CIITA: variants seen among roughly 807,000 people sequenced by gnomAD.
CIITA encodes the protein MHC class II transactivator.
A neutral mutation model predicts 115.1 loss-of-function variants in CIITA; 72 were observed. The ratio of observed to expected loss-of-function variants is 0.63; its 90% CI spans 0.52 to 0.76. CIITA has a LOEUF of 0.76. Among genes scored for constraint, CIITA ranks in the 30% least tolerant of loss-of-function variants. The pLI is 0.00. For missense variants in CIITA, 1,617 were observed against 1,463.8 expected (o/e 1.10, Z -1.71); for synonymous variants, 763 against 635.6 (o/e 1.20, Z -3.02).
At position 10,942,082 on chromosome 16, in the gene CIITA, C is replaced by T. The variant is rs909803534; in HGVS notation, n.1208C>T. 4.9e-6 allele frequency: 6 copies of T among 1,222,262 alleles called. No homozygotes were observed. The highest frequency in any genetic ancestry group is 6.3e-6 in the Non-Finnish European group (6 of 946,664). The allele number at this position is 1,222,262 out of a possible 1,614,324, so 75.7% of individuals were successfully genotyped here. A position where few individuals can be genotyped will look rare whatever the true frequency, so the allele number is the denominator to read the frequency against. On this transcript the variant is annotated non_coding_transcript_exon_variant, in exon 2 of 2. Transcript: ENST00000573379. This position sits in a 1 kb window ranked among gnomAD's most constrained non-coding sequence, Gnocchi z 5.0. ...GCGGCGCCCGGGCGGCCGGCGAGGG[C>T]ACAGCGCAGCCATCCAGGGGTACCC... is the stretch of plus-strand genomic sequence containing the variant.
At chr16:10,868,079 A>C (rs2035219175) in intron 1 of CIITA, among the ~76,000 whole-genome samples, 1 of 152,172 alleles carries the variant, frequency 6.6e-6, no homozygotes, top group African/African-American at 2.4e-5. Flanking sequence ...AACTTTCTAA[A>C]GACGGTGTTT....
chr16:10,933,567 C>G lies in CIITA; in HGVS notation c.*9712C>G, dbSNP rs754399767. On this transcript the variant is annotated 3_prime_UTR_variant, in exon 20 of 20. Transcript: ENST00000324288. Reference sequence around the variant, plus strand: ...ATCTGGAAAAGGGGACAGTGCCCACCACATTGGGCTGTTTGTGTCCATGGA... The same window carrying G: ...ATCTGGAAAAGGGGACAGTGCCCACGACATTGGGCTGTTTGTGTCCATGGA... 6.6e-6 allele frequency: 1 copy of G among 152,324 alleles called. No homozygotes were observed. Among genetic ancestry groups the G allele is most frequent in the Non-Finnish European group, 1.5e-5 (1 of 68,136 alleles). 9.4% of individuals were successfully genotyped at this position (152,324 alleles called of 1,614,324 possible). A position where few individuals can be genotyped will look rare whatever the true frequency, so the allele number is the denominator to read the frequency against.
rs1419064251 is a variant in CIITA, at chr16:10,907,765, T to C, written c.2273T>C (p.Leu758Pro). 1.2e-6 allele frequency: 2 copies of C among 1,614,088 alleles called. No individual in the cohort carries two copies. Among genetic ancestry groups the C allele is most frequent in the Non-Finnish European group, 8.5e-7 (1 of 1,180,036 alleles). The part of the protein sequence containing the change: ...DNWLEGVPRF[L>P]AGLIFQPPAR... Reference sequence around the variant, plus strand: ...TGGCTGGAGGGCGTGCCACGCTTTCTGGCTGGGCTGATCTTCCAGCCTCCC... The same window carrying C: ...TGGCTGGAGGGCGTGCCACGCTTTCCGGCTGGGCTGATCTTCCAGCCTCCC... Residue 758 changes from leucine to proline, a missense_variant, in exon 11 of 20, where the codon CTG (leucine) becomes CCG (proline). Leu to Pro is a moderately conservative substitution (Grantham distance 98). Coordinates refer to ENST00000324288, the MANE Select transcript of CIITA (RefSeq NM_000246.4). The surrounding 1 kb of genome is among the most constrained non-coding windows in gnomAD (Gnocchi z 5.0).
At position 10,910,195 on chromosome 16, in the gene CIITA, A is replaced by G. The variant is rs757223957; in HGVS notation, c.2824A>G (p.Ser942Gly). The G allele has an allele frequency of 1.6e-5, 26 of 1,613,908 alleles. No homozygotes were observed. The highest frequency in any genetic ancestry group is 2.0e-5 in the Non-Finnish European group (24 of 1,179,932). ...ATTGCCTGTTCTCTCCAGGACGAGA[A>G]GTTCCTCGGAAGACACAGCTGGGGA... ...GKLVQTQRTRSSSEDTAGELP... is the reference protein window; with the variant it reads ...GKLVQTQRTRGSSEDTAGELP... Residue 942 changes from serine (S) to glycine (G), a missense_variant, in exon 13 of 20, where the codon AGT becomes GGT. Coordinates refer to ENST00000324288, the MANE Select transcript of CIITA (RefSeq NM_000246.4).
In CIITA at chr16:10,934,641, G is replaced by A. The variant is rs1047918825; in HGVS notation, c.*10786G>A. The A allele has an allele frequency of 3.3e-5, 5 of 152,226 alleles. No homozygotes were observed. Among genetic ancestry groups the A allele is most frequent in the African/African-American group, 1.2e-4 (5 of 41,450 alleles). 9.4% of individuals were successfully genotyped at this position (152,226 alleles called of 1,614,324 possible). On this transcript the variant is annotated 3_prime_UTR_variant, in exon 20 of 20. Transcript: ENST00000324288. The surrounding 1 kb of genome is among the most constrained non-coding windows in gnomAD (Gnocchi z 4.2). ...TCTGCAAGCCTCAGTTTCCTCCCTG[G>A]TCTAATGGAACCCTCCTTGGCGGCT...
At position 10,898,752 on chromosome 16, in the gene CIITA, G is replaced by T. The variant is rs1177772086; in HGVS notation, c.358+20G>T. On this transcript the variant is annotated intron_variant, in intron 4 of 19. Coordinates refer to ENST00000324288, the MANE Select transcript of CIITA (RefSeq NM_000246.4). ...TTTTCAGTAAGTTTGTGGTGGGTGG[G>T]GAGGTCTTGGCTCAGCCTGCATTTC... The T allele has an allele frequency of 6.2e-7, 1 of 1,611,256 alleles. No individual in the cohort carries two copies. Among genetic ancestry groups the T allele is most frequent in the Non-Finnish European group, 8.5e-7 (1 of 1,178,730 alleles).
intron 1 of CIITA, chr16:10,888,409 C>T (rs1158119375): frequency 6.6e-6 from 1 of 152,252 alleles, no homozygotes; most frequent in Non-Finnish European, 1.5e-5. Flanking sequence ...CTCCCACCAG[C>T]TGAGATGGAA....
At chr16:10,887,674 T>G (rs2037097988) in intron 1 of CIITA, among the ~76,000 whole-genome samples, 1 of 152,142 alleles carries the variant, frequency 6.6e-6, no homozygotes, top group Non-Finnish European at 1.5e-5. Flanking sequence ...TTTTGTATTT[T>G]TGCAGAGACG....
intron 1 of CIITA, among the ~76,000 whole-genome samples, chr16:10,893,919 AC>A (rs1460761287): frequency 1.4e-5 from 2 of 146,872 alleles, no homozygotes; most frequent in Non-Finnish European, 3.0e-5. Flanking sequence ...ACATTTCATC[AC>A]CCCCTAAAGA....
chr16:10,890,904 G>A (rs778923984), intron 1 of CIITA, among the ~76,000 whole-genome samples: 1 of 152,158 alleles, frequency 6.6e-6, no homozygotes, highest in African/African-American at 2.4e-5. Context: ...TATAGATATG[G>A]AAACTGAGGC....
intron 11 of CIITA, 106 bp from the exon 12 acceptor site, chr16:10,908,923 A>C: frequency 2.0e-6 from 3 of 1,529,252 alleles, no homozygotes; most frequent in Non-Finnish European, 2.7e-6. Flanking sequence ...AGGTTGAGCT[A>C]AGGAAAGAAA....
rs1260919558 is a variant in CIITA, at chr16:10,930,003, G to A, written c.*6148G>A. ...CCGGAAAAATGCTTTGCAACCTACA[G>A]GAAGGCAATAGCCACAGCCAAGTTA... is the stretch of plus-strand genomic sequence containing the variant. On this transcript the variant is annotated 3_prime_UTR_variant, in exon 20 of 20. Transcript: ENST00000324288. The A allele has an allele frequency of 6.6e-6, 1 of 152,260 alleles. No homozygotes were observed. The highest frequency in any genetic ancestry group is 1.5e-5 in the Non-Finnish European group (1 of 68,094). 9.4% of individuals were successfully genotyped at this position (152,260 alleles called of 1,614,324 possible). A position where few individuals can be genotyped will look rare whatever the true frequency, so the allele number is the denominator to read the frequency against.
Position 10,923,124 on chromosome 16 carries a change from C to A in CIITA, c.3318-104C>A, listed in dbSNP as rs929419152. The A allele has an allele frequency of 6.1e-6, 6 of 983,684 alleles. No homozygotes were observed. Among genetic ancestry groups the A allele is most frequent in the African/African-American group, 1.6e-5 (1 of 63,084 alleles). 60.9% of individuals were successfully genotyped at this position (983,684 alleles called of 1,614,324 possible). ...ATCTTGCCAGGGGAAAAGTCCCCAA[C>A]GTTCTAGGCTGGGTGGAAGGAGGGA... On this transcript the variant is annotated intron_variant, in intron 18 of 19. Coordinates refer to ENST00000324288, the MANE Select transcript of CIITA (RefSeq NM_000246.4). This position sits in a 1 kb window ranked among gnomAD's most constrained non-coding sequence, Gnocchi z 5.2.
chr16:10,888,444 G>A (rs1346051096), intron 1 of CIITA: 1 of 152,242 alleles, frequency 6.6e-6, no homozygotes, highest in Non-Finnish European at 1.5e-5. Context: ...CAGAAGAGAT[G>A]CATGCACTGA....
chr16:10,924,511 GC>G lies in CIITA; in HGVS notation c.*657del, dbSNP rs1458382706. 1 of 152,386 alleles carries G rather than the reference GC, an allele frequency of 6.6e-6. No individual in the cohort carries two copies. The highest frequency in any genetic ancestry group is 1.5e-5 in the Non-Finnish European group (1 of 68,222). The allele number at this position is 152,386 out of a possible 1,614,324, so 9.4% of individuals were successfully genotyped here. On this transcript the variant is annotated 3_prime_UTR_variant, in exon 20 of 20. Transcript: ENST00000324288. ...GCCTCCCAAAGTGCTGGGATTACAAGCGTGAGCCACTGCACCGGGCCACAGA... is the reference window on the plus strand; with the variant it reads ...GCCTCCCAAAGTGCTGGGATTACAAGGTGAGCCACTGCACCGGGCCACAGA...
chr16:10,877,446 TA>T lies in CIITA; in HGVS notation c.52+67del, dbSNP rs2035936201. ...TCTCAGCTGGTCCTGCCATTCCAGATAAACAGAGAAACCATTCTGAATTGGG... is the reference window on the plus strand; with the variant it reads ...TCTCAGCTGGTCCTGCCATTCCAGATAACAGAGAAACCATTCTGAATTGGG... On this transcript the variant is annotated intron_variant, in intron 1 of 19. Transcript: ENST00000324288. 1.4e-5 allele frequency: 22 copies of T among 1,523,124 alleles called. No homozygotes were observed. In the South Asian group the frequency reaches 2.6e-4, roughly 18 times the overall value. The allele number at this position is 1,523,124 out of a possible 1,614,324, so 94.4% of individuals were successfully genotyped here. A position where few individuals can be genotyped will look rare whatever the true frequency, so the allele number is the denominator to read the frequency against.
chr16:10,894,072 G>C (rs933351037), intron 1 of CIITA, among the ~76,000 whole-genome samples: 8 of 152,038 alleles, frequency 5.3e-5, no homozygotes, highest in African/African-American at 1.9e-4. Context: ...GGCTGGTCTT[G>C]AACACCTGGG....
intron 13 of CIITA, among the ~76,000 whole-genome samples, chr16:10,914,083 T>A (rs891410297): frequency 6.6e-6 from 1 of 152,196 alleles, no homozygotes; most frequent in Admixed American, 6.5e-5. Flanking sequence ...TGATTATCTG[T>A]CTATCTTCCC....
chr16:10,898,873 C>A (rs758481393), intron 4 of CIITA, 52 bp from the exon 5 acceptor site: 2 of 1,608,836 alleles, frequency 1.2e-6, no homozygotes, highest in Non-Finnish European at 1.7e-6. Context: ...TAGAGACTCA[C>A]CTTGGGCTTT....
Sources: allele counts gnomAD v4.1 joint callset (sites outside exome capture counted in the v4.1 genomes callset), GRCh38; gene constraint gnomAD v4.1.1; non-coding constraint Gnocchi (gnomAD v3.1); transcripts MANE v1.5; gene names NCBI Gene and HGNC (gene_info 2026-07-23, HGNC 2026-07-21).